ICAM5: variants seen among roughly 807,000 people sequenced by gnomAD.
The protein encoded by ICAM5 is intercellular adhesion molecule 5, also known as ICAM-5.
In ICAM5, 38 loss-of-function variants were observed where a neutral mutation model predicts 78.8. That is an observed-to-expected ratio of 0.48 (90% CI 0.37 to 0.63). ICAM5 has a LOEUF of 0.63. Ranked by LOEUF, ICAM5 falls within the 30% of genes least tolerant of loss-of-function variation. ICAM5 has a pLI of 0.00. For synonymous variants in ICAM5, 544 were observed against 590.9 expected, an observed-to-expected ratio of 0.92 and a Z score of 1.15; for missense variants, 1,059 against 1,303.0, an observed-to-expected ratio of 0.81 and a Z score of 2.88.
In ICAM5 at chr19:10,290,151, T is replaced by C; in HGVS notation, c.82+26T>C. On this transcript the variant is annotated intron_variant, in intron 1 of 10. Transcript: ENST00000221980. The surrounding 1 kb of genome is among the most constrained non-coding windows in gnomAD (Gnocchi z 5.7). ...GTAAGAGCCCCGCTCTGGTTCGGGG[T>C]GGACAGGGCGGGGGCGGAGTCCCTG... is the stretch of plus-strand genomic sequence containing the variant. The C allele has an allele frequency of 6.8e-7, 1 of 1,476,768 alleles. No homozygotes were observed. The highest frequency in any genetic ancestry group is 1.4e-5 in the African/African-American group (1 of 69,536). The allele number at this position is 1,476,768 out of a possible 1,614,324, so 91.5% of individuals were successfully genotyped here. A position where few individuals can be genotyped will look rare whatever the true frequency, so the allele number is the denominator to read the frequency against.
chr19:10,292,468 A>T, intron 4 of ICAM5, 144 bp from the exon 5 acceptor site: 1 of 1,365,956 alleles, frequency 7.3e-7, no homozygotes. Context: ...ATCGCTGGGG[A>T]GGAGGAGCCT....
rs886960158 is a variant in ICAM5, at chr19:10,294,223, C to T, written c.1895C>T (p.Pro632Leu). 3.4e-5 allele frequency: 55 copies of T among 1,613,924 alleles called. No homozygotes were observed. The highest frequency in any genetic ancestry group is 8.3e-5 in the Admixed American group (5 of 60,002). ...LAPPDPSPRA[P>L]RIPRVLAPGI... ...CCCCCAGACCCTAGTCCCAGAGCTC[C>T]CAGAATCCCTAGAGTCCTGGCACCC... The change falls in exon 8 of 11, where the codon CCC becomes CTC. Residue 632 changes from proline (P) to leucine (L), a missense_variant. Pro to Leu is a moderately conservative substitution (Grantham distance 98). This residue lies in a region of ICAM5 where 815 missense variants were observed against 952.8 expected (regional missense o/e 0.86). Transcript: ENST00000221980. The surrounding 1 kb of genome is among the most constrained non-coding windows in gnomAD (Gnocchi z 7.7).
At position 10,290,053 on chromosome 19, in the gene ICAM5, C is replaced by T; in HGVS notation, c.10C>T (p.Pro4Ser). The change falls in exon 1 of 11, where the codon CCT (proline) becomes TCT (serine). Residue 4 changes from proline to serine, a missense_variant. Physicochemically the swap from Pro to Ser is moderately conservative, Grantham distance 74. Transcript: ENST00000221980. The surrounding 1 kb of genome is among the most constrained non-coding windows in gnomAD (Gnocchi z 5.7). ...TTTCCCCGCCGCGGCGATGCCAGGG[C>T]CTTCGCCAGGGCTGCGCCGGGCGCT... MPG[P>S]SPGLRRALLG... The T allele has an allele frequency of 1.3e-6, 2 of 1,541,462 alleles. No individual in the cohort carries two copies. Among genetic ancestry groups the T allele is most frequent in the South Asian group, 1.2e-5 (1 of 83,614 alleles).
In ICAM5 at chr19:10,291,471, G is replaced by T. The variant is rs765866534; in HGVS notation, c.353-18G>T. The T allele has an allele frequency of 6.2e-7, 1 of 1,611,660 alleles. No individual in the cohort carries two copies. Among genetic ancestry groups the T allele is most frequent in the African/African-American group, 1.3e-5 (1 of 75,022 alleles). On this transcript the variant is annotated intron_variant, in intron 2 of 10. Coordinates refer to ENST00000221980, the MANE Select transcript of ICAM5 (RefSeq NM_003259.4). Reference sequence around the variant, plus strand: ...AAGTCCCGGTGTTCAAAGAGCTGCGGACTCTTCCCCCTTGCAGAGCGACCA... The same window carrying T: ...AAGTCCCGGTGTTCAAAGAGCTGCGTACTCTTCCCCCTTGCAGAGCGACCA...
In ICAM5 at chr19:10,292,166, C is replaced by G. The variant is rs1050707427; in HGVS notation, c.805C>G (p.Gln269Glu). 2 of 1,613,264 alleles carry G rather than the reference C, an allele frequency of 1.2e-6. No homozygotes were observed. The highest frequency in any genetic ancestry group is 3.3e-5 in the Admixed American group (2 of 60,004). Reference sequence around the variant, plus strand: ...CAGGGTCTACCTCGCACTGGGGGACCAGAATCTGAGTCCTGATGTCACCCT... The same window carrying G: ...CAGGGTCTACCTCGCACTGGGGGACGAGAATCTGAGTCCTGATGTCACCCT... ...EARVYLALGD[Q>E]NLSPDVTLEG... is the part of the protein sequence containing the mutation. The change falls in exon 4 of 11, where the codon CAG (glutamine) becomes GAG (glutamate). Residue 269 changes from glutamine to glutamate, a missense_variant. This residue lies in a region of ICAM5 where 815 missense variants were observed against 952.8 expected (regional missense o/e 0.86). Transcript: ENST00000221980.
chr19:10,296,555 GGGGCGCGGCCGAGTCGCCGGCGGA>G lies in ICAM5; in HGVS notation c.2720_2743del (p.Ala907_Gly914del). The G allele has an allele frequency of 8.2e-7, 1 of 1,221,126 alleles. No individual in the cohort carries two copies. The highest frequency in any genetic ancestry group is 1.0e-6 in the Non-Finnish European group (1 of 973,214). 75.6% of individuals were successfully genotyped at this position (1,221,126 alleles called of 1,614,324 possible). On this transcript the variant is annotated inframe_deletion, in exon 11 of 11. Transcript: ENST00000221980. ...GCGGAGGGCGGACCCGAGGCGGCGGGGGGCGCGGCCGAGTCGCCGGCGGAGGGCGAGGTCTTCGCCATACAGCTG... is the reference window on the plus strand; with the variant it reads ...GCGGAGGGCGGACCCGAGGCGGCGGGGGGCGAGGTCTTCGCCATACAGCTG...
In ICAM5 at chr19:10,292,857, C is replaced by G; in HGVS notation, c.1207C>G (p.Arg403Gly). 6.2e-7 allele frequency: 1 copy of G among 1,612,210 alleles called. No homozygotes were observed. Among genetic ancestry groups the G allele is most frequent in the Non-Finnish European group, 8.5e-7 (1 of 1,179,388 alleles). ...GATCAAGAACAGGAGCGCAGAGCTT[C>G]GTGTCCTATGTGAGTTGGTGATAAC... is the stretch of plus-strand genomic sequence containing the variant. ...TLIKNRSAEL[R>G]VLYAPRLDDS... The change falls in exon 5 of 11, where the codon CGT becomes GGT. Residue 403 changes from arginine (R) to glycine (G), a missense_variant. Coordinates refer to ENST00000221980, the MANE Select transcript of ICAM5 (RefSeq NM_003259.4).
At chr19:10,296,158 G>A (rs989041969) in intron 10 of ICAM5, among the ~76,000 whole-genome samples, 181 bp from the exon 11 acceptor site, 1 of 152,174 alleles carries the variant, frequency 6.6e-6, no homozygotes, top group African/African-American at 2.4e-5. Flanking sequence ...ATATAAATCG[G>A]GACTCGGGTC....
chr19:10,294,282 G>A lies in ICAM5; in HGVS notation c.1954G>A (p.Gly652Ser). 1 of 1,613,452 alleles carries A rather than the reference G, an allele frequency of 6.2e-7. No individual in the cohort carries two copies. The highest frequency in any genetic ancestry group is 8.5e-7 in the Non-Finnish European group (1 of 1,179,892). The change falls in exon 8 of 11, where the codon GGC becomes AGC. Residue 652 changes from glycine to serine, a missense_variant. By Grantham distance (56) the Gly-to-Ser change is moderately conservative. Transcript: ENST00000221980. The surrounding 1 kb of genome is among the most constrained non-coding windows in gnomAD (Gnocchi z 7.7). ...CGTCTGCAACGCCACCAACCGCCAC[G>A]GCTCCGTGGCCAAAACAGTCGTCGT... Reference protein sequence around the residue: ...IYVCNATNRHGSVAKTVVVSA... With the variant: ...IYVCNATNRHSSVAKTVVVSA...
In ICAM5 at chr19:10,296,738, C is replaced by A. The variant is rs1692188612; in HGVS notation, c.*122C>A. On this transcript the variant is annotated 3_prime_UTR_variant, in exon 11 of 11. Transcript: ENST00000221980. Reference sequence around the variant, plus strand: ...TATTCAACTCCAAGGGCGTCACCCCCATTTTCTACCCATCCCCTCAATAAA... The same window carrying A: ...TATTCAACTCCAAGGGCGTCACCCCAATTTTCTACCCATCCCCTCAATAAA... 7 of 836,516 alleles carry A rather than the reference C, an allele frequency of 8.4e-6. No individual in the cohort carries two copies. In the South Asian group the frequency reaches 1.8e-4, roughly 21 times the overall value. 51.8% of individuals were successfully genotyped at this position (836,516 alleles called of 1,614,324 possible).
chr19:10,290,687 T>C lies in ICAM5; in HGVS notation c.83-385T>C. On this transcript the variant is annotated intron_variant, in intron 1 of 10. Transcript: ENST00000221980. This position sits in a 1 kb window ranked among gnomAD's most constrained non-coding sequence, Gnocchi z 5.7. ...CCTTGCCGCAAACGCACTCTCCTCG[T>C]ATCCCGGCATTCTGCCAGGACCCTG... 1.7e-5 allele frequency: 5 copies of C among 302,110 alleles called. No homozygotes were observed. The South Asian group carries it at 3.2e-4, about 20-fold the overall frequency. 18.7% of individuals were successfully genotyped at this position (302,110 alleles called of 1,614,324 possible). A position where few individuals can be genotyped will look rare whatever the true frequency, so the allele number is the denominator to read the frequency against.
chr19:10,291,992 T>C, intron 3 of ICAM5, 43 bp from the exon 4 acceptor site: 1 of 1,592,232 alleles, frequency 6.3e-7, no homozygotes, highest in Non-Finnish European at 8.6e-7. Flanking sequence ...TAGGACATAT[T>C]GAGCGCTCGG....
At position 10,293,080 on chromosome 19, in the gene ICAM5, C is replaced by T. The variant is rs777662175; in HGVS notation, c.1299C>T (p.Ala433=). The T allele has an allele frequency of 6.2e-7, 1 of 1,610,220 alleles. No individual in the cohort carries two copies. Among genetic ancestry groups the T allele is most frequent in the Non-Finnish European group, 8.5e-7 (1 of 1,179,730 alleles). ...EGPEQTLRCE[A]RGNPEPSVHC... ...CAGAGCAGACGCTGCGCTGCGAGGC[C>T]CGCGGGAACCCAGAACCCTCAGTGC... The change falls in exon 6 of 11, where the codon GCC becomes GCT. Residue 433 remains alanine, a synonymous_variant. Transcript: ENST00000221980. The surrounding 1 kb of genome is among the most constrained non-coding windows in gnomAD (Gnocchi z 5.0).
Position 10,292,314 on chromosome 19 carries a change from C to A in ICAM5, c.953C>A (p.Thr318Asn). ...GENRETRENV[T>N]IYSFPAPLLT... ...AACCGGGAGACCCGGGAGAACGTGA[C>A]CATCTACAGTAAGGAAGGAGGCGGG... is the stretch of plus-strand genomic sequence containing the variant. Residue 318 changes from threonine to asparagine, a missense_variant, in exon 4 of 11, where the codon ACC becomes AAC. Thr to Asn is a moderately conservative substitution (Grantham distance 65). Coordinates refer to ENST00000221980, the MANE Select transcript of ICAM5 (RefSeq NM_003259.4). 1 of 1,600,910 alleles carries A rather than the reference C, an allele frequency of 6.2e-7. No homozygotes were observed. The highest frequency in any genetic ancestry group is 8.5e-7 in the Non-Finnish European group (1 of 1,175,180).
rs529586587 is a variant in ICAM5, at chr19:10,296,183, A to G, written c.2498-156A>G. ...GGACTCGGGTCGCCCTGGCACTGGG[A>G]GTGGCCTTATTGCATGGGTTGTCTC... On this transcript the variant is annotated intron_variant, in intron 10 of 10. Transcript: ENST00000221980. Among the ~76,000 whole-genome samples, 7 of 152,184 alleles carry G rather than the reference A, an allele frequency of 4.6e-5. No individual in the cohort carries two copies. In the East Asian group the frequency reaches 1.4e-3, roughly 29 times the overall value.
intron 5 of ICAM5, 61 bp from the exon 6 acceptor site, chr19:10,292,937 G>C (rs1292234085): frequency 1.2e-6 from 2 of 1,607,636 alleles, no homozygotes; most frequent in African/African-American, 1.3e-5. Flanking sequence ...CCCTCACCGT[G>C]TCGTGGAGGC....
chr19:10,292,692 G>A lies in ICAM5; in HGVS notation c.1042G>A (p.Ala348Thr), dbSNP rs2228615. 0.37 allele frequency: 602,843 copies of A among 1,611,222 alleles called. 117,786 individuals are homozygous for A. The highest frequency in any genetic ancestry group is 0.54 in the Admixed American group (31,979 of 59,368). ...QMVTVTCAAG[A>T]QALVTLEGVP... The stretch of plus-strand genomic sequence containing the variant: ...GGTGACAGTAACCTGCGCAGCTGGG[G>A]CCCAAGCTCTGGTCACACTGGAGGG... The change falls in exon 5 of 11, where the codon GCC becomes ACC. Residue 348 changes from alanine to threonine, a missense_variant. Around this residue, in one of 3 missense-constraint regions of ICAM5, gnomAD observed 815 missense variants for 952.8 expected, o/e 0.86. Transcript: ENST00000221980.
intron 5 of ICAM5, 28 bp from the exon 6 acceptor site, chr19:10,292,970 C>T: frequency 6.2e-7 from 1 of 1,610,546 alleles, no homozygotes; most frequent in Non-Finnish European, 8.5e-7. Context: ...TACGTCTAAG[C>T]CTCTGTAACC....
Position 10,290,719 on chromosome 19 carries a change from G to T in ICAM5, c.83-353G>T. The T allele has an allele frequency of 2.6e-6, 1 of 378,962 alleles. No homozygotes were observed. Among genetic ancestry groups the T allele is most frequent in the Non-Finnish European group, 4.8e-6 (1 of 208,820 alleles). The allele number at this position is 378,962 out of a possible 1,614,324, so 23.5% of individuals were successfully genotyped here. On this transcript the variant is annotated intron_variant, in intron 1 of 10. Coordinates refer to ENST00000221980, the MANE Select transcript of ICAM5 (RefSeq NM_003259.4). This position sits in a 1 kb window ranked among gnomAD's most constrained non-coding sequence, Gnocchi z 5.7. ...GCATTCTGCCAGGACCCTGAGAACT[G>T]GTTCATCCCCCATCCCCCATCCCGG...
Sources: gnomAD v4.1 joint callset for allele counts (sites outside exome capture counted in the v4.1 genomes callset) on GRCh38, gnomAD v4.1.1 for gene constraint, gnomAD v4.1.1 regional missense constraint, Gnocchi (gnomAD v3.1) non-coding constraint, MANE v1.5 for transcripts, NCBI Gene and HGNC (gene_info 2026-07-23, HGNC 2026-07-21) for gene names.